ADAM18: variants seen among roughly 807,000 people sequenced by gnomAD.
ADAM18 encodes the protein ADAM metallopeptidase domain 18.
In ADAM18, 117 loss-of-function variants were observed where a neutral mutation model predicts 94.4. The observed-to-expected ratio is 1.24, with a 90% CI of 1.07 to 1.45. The LOEUF is 1.45. ADAM18 is among the 40% of genes most tolerant of loss of function. The pLI is 0.00. For synonymous variants in ADAM18, 327 were observed against 291.6 expected, an observed-to-expected ratio of 1.12 and a Z score of -1.24; for missense variants, 936 against 880.0, an observed-to-expected ratio of 1.06 and a Z score of -0.81.
intron 10 of ADAM18, among the ~76,000 whole-genome samples, chr8:39,643,574 A>T (rs1201289133): frequency 1.3e-5 from 2 of 152,092 alleles, no homozygotes; most frequent in East Asian, 3.9e-4. Context: ...GTATTACTTC[A>T]CAGTTCTGGA....
intron 12 of ADAM18, among the ~76,000 whole-genome samples, chr8:39,657,632 G>A (rs140983671): frequency 6.6e-6 from 1 of 152,224 alleles, no homozygotes; most frequent in Non-Finnish European, 1.5e-5. Context: ...CTAAAAAGGG[G>A]TTAAAGGGAA....
chr8:39,610,509 T>C lies in ADAM18; in HGVS notation c.345-20T>C. 6.3e-7 allele frequency: 1 copy of C among 1,582,258 alleles called. No individual in the cohort carries two copies. The highest frequency in any genetic ancestry group is 2.3e-5 in the East Asian group (1 of 44,102). On this transcript the variant is annotated intron_variant, in intron 5 of 19. Transcript: ENST00000265707. Reference sequence around the variant, plus strand: ...TGTGAGATTTTTATAACTATTTTCTTATGCCTTCTAAATTTTCAGGGGATT... The same window carrying C: ...TGTGAGATTTTTATAACTATTTTCTCATGCCTTCTAAATTTTCAGGGGATT...
chr8:39,700,800 T>A lies in ADAM18; in HGVS notation c.1903-5990T>A, dbSNP rs1210194617. Among the ~76,000 whole-genome samples, 3 of 152,018 alleles carry A rather than the reference T, an allele frequency of 2.0e-5. No homozygotes were observed. The East Asian group carries it at 5.8e-4, about 29-fold the overall frequency. Reference sequence around the variant, plus strand: ...GCTGTTCATATAAGACTTAGAATAATTGATTATATTTTTAACTTTTTTCCC... The same window carrying A: ...GCTGTTCATATAAGACTTAGAATAAATGATTATATTTTTAACTTTTTTCCC... On this transcript the variant is annotated intron_variant, in intron 17 of 19. Transcript: ENST00000265707.
At chr8:39,704,397 G>A (rs1033295091) in intron 17 of ADAM18, among the ~76,000 whole-genome samples, 2 of 152,042 alleles carry the variant, frequency 1.3e-5, no homozygotes, top group Admixed American at 1.3e-4. Context: ...TGCAAGGTTG[G>A]TTCAACATAT....
chr8:39,624,411 C>T (rs1004226675), intron 6 of ADAM18, among the ~76,000 whole-genome samples: 9 of 152,166 alleles, frequency 5.9e-5, no homozygotes, highest in African/African-American at 1.9e-4. Context: ...ATAGAGGGTC[C>T]TTCCCCCAAT....
chr8:39,692,557 A>C (rs372233704), intron 16 of ADAM18, 43 bp from the exon 17 acceptor site: 1 of 1,266,530 alleles, frequency 7.9e-7, no homozygotes, highest in East Asian at 2.5e-5. Flanking sequence ...CTTGTTTTAT[A>C]TGACATTTGT....
intron 16 of ADAM18, among the ~76,000 whole-genome samples, chr8:39,692,301 G>A (rs80275049): frequency 0.02 from 3,111 of 151,792 alleles, 101 homozygotes; most frequent in African/African-American, 0.071. Flanking sequence ...CATACGATGA[G>A]TGTCTCAATC....
chr8:39,622,387 T>C (rs961952490), intron 6 of ADAM18, among the ~76,000 whole-genome samples: 2 of 151,126 alleles, frequency 1.3e-5, no homozygotes, highest in African/African-American at 4.8e-5. Context: ...GTGTTAACCA[T>C]AAAATGCAAT....
chr8:39,623,947 A>G (rs546312070), intron 6 of ADAM18, among the ~76,000 whole-genome samples: 31 of 152,192 alleles, frequency 2.0e-4, no homozygotes, highest in African/African-American at 6.5e-4. Context: ...CCATTTGTAT[A>G]TCTTCTTTTG....
Position 39,606,371 on chromosome 8 carries a change from T to G in ADAM18, c.188+9T>G, listed in dbSNP as rs550172180. ...CTACATCTCGGAAAACAGTAAGATATGATTTTTTTTTCATTAAGGAAAAGG... is the reference window on the plus strand; with the variant it reads ...CTACATCTCGGAAAACAGTAAGATAGGATTTTTTTTTCATTAAGGAAAAGG... On this transcript the variant is annotated intron_variant, in intron 3 of 19. Coordinates refer to ENST00000265707, the MANE Select transcript of ADAM18 (RefSeq NM_014237.3). The G allele has an allele frequency of 4.6e-6, 7 of 1,529,166 alleles. No individual in the cohort carries two copies. Among genetic ancestry groups the G allele is most frequent in the African/African-American group, 4.2e-5 (3 of 71,554 alleles). The allele number at this position is 1,529,166 out of a possible 1,614,324, so 94.7% of individuals were successfully genotyped here.
intron 14 of ADAM18, 93 bp downstream of exon 14, chr8:39,668,289 C>A: frequency 8.4e-7 from 1 of 1,187,690 alleles, no homozygotes; most frequent in Non-Finnish European, 1.2e-6. Context: ...GTGGAAGAAA[C>A]TGAACCACAA....
chr8:39,584,576 T>A lies in ADAM18; in HGVS notation c.-47T>A. ...AGCCTGCCCGCGAGCTCAACGCTGC[T>A]CAACGGTCTCTGTCCTTGGCTGTGG... On this transcript the variant is annotated 5_prime_UTR_variant, in exon 1 of 20. Coordinates refer to ENST00000265707, the MANE Select transcript of ADAM18 (RefSeq NM_014237.3). 1.2e-6 allele frequency: 2 copies of A among 1,607,158 alleles called. No homozygotes were observed. Among genetic ancestry groups the A allele is most frequent in the Non-Finnish European group, 1.7e-6 (2 of 1,178,406 alleles).
At chr8:39,651,244 G>A (rs936636954) in intron 12 of ADAM18, among the ~76,000 whole-genome samples, 2 of 151,870 alleles carry the variant, frequency 1.3e-5, no homozygotes, top group African/African-American at 2.4e-5. Flanking sequence ...ACACCAAGAC[G>A]TTCCATTGCC....
chr8:39,610,117 C>T (rs1282189521), intron 5 of ADAM18, among the ~76,000 whole-genome samples: 1 of 152,070 alleles, frequency 6.6e-6, no homozygotes, highest in Non-Finnish European at 1.5e-5. Context: ...CACATCAACT[C>T]AGAAACTTGG....
intron 18 of ADAM18, among the ~76,000 whole-genome samples, chr8:39,711,286 G>A (rs1048890595): frequency 4.6e-5 from 7 of 152,146 alleles, no homozygotes; most frequent in African/African-American, 1.7e-4. Context: ...GAGTAAGGTA[G>A]ATGAGGAGAT....
At chr8:39,668,281 G>A in intron 14 of ADAM18, 85 bp downstream of exon 14, 2 of 1,262,684 alleles carry the variant, frequency 1.6e-6, no homozygotes, top group South Asian at 1.5e-5. Flanking sequence ...CTCTAGAAGT[G>A]GAAGAAACTG....
chr8:39,617,418 G>A (rs1194978034), intron 6 of ADAM18, among the ~76,000 whole-genome samples: 1 of 152,170 alleles, frequency 6.6e-6, no homozygotes, highest in African/African-American at 2.4e-5. Context: ...TTCAGGCACT[G>A]TGGAAAGCAG....
chr8:39,624,375 C>G (rs1024013157), intron 6 of ADAM18, among the ~76,000 whole-genome samples: 2 of 152,184 alleles, frequency 1.3e-5, no homozygotes, highest in Non-Finnish European at 2.9e-5. Flanking sequence ...ATGTGGCTAT[C>G]CAGTATTCCC....
At chr8:39,686,781 G>A (rs117488672) in intron 16 of ADAM18, among the ~76,000 whole-genome samples, 2,593 of 152,274 alleles carry the variant, frequency 0.017, 27 homozygotes, top group Non-Finnish European at 0.028. Flanking sequence ...TAAGAAATGC[G>A]TAGGAATCAG....
Sources: allele counts gnomAD v4.1 joint callset (sites outside exome capture counted in the v4.1 genomes callset), GRCh38; gene constraint gnomAD v4.1.1; transcripts MANE v1.5; gene names NCBI Gene and HGNC (gene_info 2026-07-23, HGNC 2026-07-21).